SMC6: variants seen among roughly 807,000 people sequenced by gnomAD.
SMC6 encodes the protein structural maintenance of chromosomes 6.
SMC6 carries 79 observed loss-of-function variants against 142.2 expected under a neutral mutation model. The ratio of observed to expected loss-of-function variants is 0.56; its 90% CI spans 0.46 to 0.67. The LOEUF (loss-of-function observed/expected upper bound fraction) is 0.67, where lower values mean the gene tolerates loss of function less well. Among genes scored for constraint, SMC6 ranks in the 30% least tolerant of loss-of-function variants. The pLI is 0.00. For synonymous variants in SMC6, 411 were observed against 412.4 expected (o/e 1.00, Z 0.04); for missense variants, 1,072 against 1,284.0 (o/e 0.83, Z 2.52).
chr2:17,715,580 T>G (rs1272386869), intron 15 of SMC6, among the ~76,000 whole-genome samples: 1 of 152,172 alleles, frequency 6.6e-6, no homozygotes, highest in African/African-American at 2.4e-5. Flanking sequence ...CTAATGATTT[T>G]CAGAATTAAA....
intron 23 of SMC6, 117 bp downstream of exon 23, chr2:17,695,035 A>T: frequency 9.0e-7 from 1 of 1,112,162 alleles, no homozygotes; most frequent in Non-Finnish European, 1.3e-6. Flanking sequence ...CTTCAGCTAT[A>T]ACTATTTGCT....
At chr2:17,671,600 C>A (rs1287874276) in intron 25 of SMC6, among the ~76,000 whole-genome samples, 3 of 83,568 alleles carry the variant, frequency 3.6e-5, no homozygotes, top group African/African-American at 1.6e-4. Context: ...CAGAGCGAGA[C>A]CCCGTCTCAA....
chr2:17,724,488 T>C (rs945725859), intron 9 of SMC6, among the ~76,000 whole-genome samples: 1 of 152,184 alleles, frequency 6.6e-6, no homozygotes, highest in African/African-American at 2.4e-5. Flanking sequence ...CAATTGGTTA[T>C]ATAAAACTAA....
At position 17,673,172 on chromosome 2, in the gene SMC6, G is replaced by C. The variant is rs550552811; in HGVS notation, c.2911-2597C>G. Among the ~76,000 whole-genome samples the C allele has an allele frequency of 1.9e-3, 288 of 152,214 alleles. 2 individuals carry two copies. The highest frequency in any genetic ancestry group is 3.6e-3 in the Non-Finnish European group (242 of 67,996). On this transcript the variant is annotated intron_variant, in intron 25 of 27. Transcript: ENST00000448223. ...CTGATGACTAACAGCGCTTTTTCAT[G>C]TGTTTACTCACCATTTAGATACTTT... is the stretch of plus-strand genomic sequence containing the variant.
chr2:17,710,323 G>A (rs1001446483), intron 16 of SMC6, among the ~76,000 whole-genome samples: 1 of 152,180 alleles, frequency 6.6e-6, no homozygotes, highest in Non-Finnish European at 1.5e-5. Flanking sequence ...TGCAGGTTTT[G>A]GGGTGGAAAT....
rs762954628 is a variant in SMC6, at chr2:17,707,327, C to A, written c.1898G>T (p.Cys633Phe). The A allele has an allele frequency of 3.1e-6, 5 of 1,602,702 alleles. No homozygotes were observed. Among genetic ancestry groups the A allele is most frequent in the South Asian group, 1.1e-5 (1 of 88,912 alleles). The change falls in exon 18 of 28, where the codon TGT becomes TTT. Residue 633 changes from cysteine (C) to phenylalanine (F), a missense_variant. Around this residue, in one of 3 missense-constraint regions of SMC6, gnomAD observed 994 missense variants for 1,153.2 expected, o/e 0.86. Transcript: ENST00000448223. ...ACCATCAGCAGTAAAAGCTTCTCTACAATTTTTGGGTGGCTTTTGGGACTG... is the reference window on the plus strand; with the variant it reads ...ACCATCAGCAGTAAAAGCTTCTCTAAAATTTTTGGGTGGCTTTTGGGACTG... ...VMQSQKPPKN[C>F]REAFTADGDQ...
At chr2:17,699,502 T>C (rs1348529446) in intron 21 of SMC6, among the ~76,000 whole-genome samples, 1 of 152,162 alleles carries the variant, frequency 6.6e-6, no homozygotes, top group East Asian at 1.9e-4. Context: ...ATTTGGGAAG[T>C]GTTTAGCCAT....
chr2:17,731,715 G>C (rs772066815), intron 6 of SMC6, 26 bp downstream of exon 6: 1 of 1,597,114 alleles, frequency 6.3e-7, no homozygotes, highest in Non-Finnish European at 8.5e-7. Context: ...TATTTTATAA[G>C]AAATGAAAAG....
At chr2:17,752,668 A>G (rs905823819) in intron 2 of SMC6, among the ~76,000 whole-genome samples, 4 of 152,222 alleles carry the variant, frequency 2.6e-5, no homozygotes, top group African/African-American at 9.7e-5. Context: ...TTTCACGTAG[A>G]AATCAAATGA....
chr2:17,751,961 C>A (rs779447586), intron 2 of SMC6, among the ~76,000 whole-genome samples: 3 of 152,090 alleles, frequency 2.0e-5, no homozygotes, highest in Admixed American at 1.3e-4. Context: ...TAAAATAAAC[C>A]TTTGGGGAAT....
rs115721968 is a variant in SMC6, at chr2:17,725,516, T to C, written c.625-158A>G. ...AATCACACAAACACAAAAGAATACA[T>C]CATATTTCAGATTCAAATTGACTGA... is the stretch of plus-strand genomic sequence containing the variant. On this transcript the variant is annotated intron_variant, in intron 8 of 27. Transcript: ENST00000448223. Among the ~76,000 whole-genome samples the C allele has an allele frequency of 4.8e-3, 723 of 152,168 alleles. 4 individuals are homozygous for C. Among genetic ancestry groups the C allele is most frequent in the African/African-American group, 0.016 (670 of 41,530 alleles).
rs773786287 is a variant in SMC6, at chr2:17,701,789, C to G, written c.2223+40G>C. 43 of 1,253,334 alleles carry G rather than the reference C, an allele frequency of 3.4e-5. No homozygotes were observed. The South Asian group carries it at 5.6e-4, about 16-fold the overall frequency. The allele number at this position is 1,253,334 out of a possible 1,614,324, so 77.6% of individuals were successfully genotyped here. ...GCCATTAACCTAAATGGTGGCTTTA[C>G]CCTTTAATATTACATTTAAATTGAA... On this transcript the variant is annotated intron_variant, in intron 20 of 27. Coordinates refer to ENST00000448223, the MANE Select transcript of SMC6 (RefSeq NM_001142286.2).
intron 26 of SMC6, among the ~76,000 whole-genome samples, chr2:17,669,377 G>A (rs1308989612): frequency 6.6e-6 from 1 of 152,144 alleles, no homozygotes; most frequent in East Asian, 1.9e-4. Flanking sequence ...GAGTTGATAG[G>A]TATCTGTCCA....
intron 2 of SMC6, among the ~76,000 whole-genome samples, chr2:17,751,218 G>A (rs979854682): frequency 1.4e-4 from 21 of 151,848 alleles, no homozygotes; most frequent in African/African-American, 4.6e-4. Flanking sequence ...AGTAGCTCAC[G>A]CCTTGTCATC....
At chr2:17,716,658 A>G in intron 14 of SMC6, 83 bp downstream of exon 14, 1 of 1,310,894 alleles carries the variant, frequency 7.6e-7, no homozygotes, top group South Asian at 1.5e-5. Context: ...AGAAACAACC[A>G]TATTTGCTCT....
chr2:17,735,394 A>C (rs1238708537), intron 5 of SMC6, among the ~76,000 whole-genome samples: 1 of 152,218 alleles, frequency 6.6e-6, no homozygotes, highest in Non-Finnish European at 1.5e-5. Flanking sequence ...AATGAGAACA[A>C]GGAATAAGAA....
intron 5 of SMC6, among the ~76,000 whole-genome samples, chr2:17,737,154 C>CT (rs1036155521): frequency 4.6e-5 from 7 of 151,688 alleles, no homozygotes; most frequent in African/African-American, 7.3e-5. Flanking sequence ...ATCTTTTCTC[C>CT]TTTTTTTTGA....
At position 17,665,370 on chromosome 2, in the gene SMC6, T is replaced by C. The variant is rs1666446445; in HGVS notation, c.*129A>G. ...GGCTTATTTATATGTTTGATTGTGG[T>C]TGGATATATAAAGGAGTTTCTTTCA... On this transcript the variant is annotated 3_prime_UTR_variant, in exon 28 of 28. Transcript: ENST00000448223. 2.3e-6 allele frequency: 1 copy of C among 435,222 alleles called. No individual in the cohort carries two copies. The highest frequency in any genetic ancestry group is 4.0e-6 in the Non-Finnish European group (1 of 250,160). 27.0% of individuals were successfully genotyped at this position (435,222 alleles called of 1,614,324 possible).
At chr2:17,739,678 T>G (rs993377991) in intron 4 of SMC6, among the ~76,000 whole-genome samples, 2 of 151,938 alleles carry the variant, frequency 1.3e-5, no homozygotes, top group Non-Finnish European at 2.9e-5. Context: ...GAAGGCATAG[T>G]GGCATGTGCC....
Sources: allele counts gnomAD v4.1 joint callset (sites outside exome capture counted in the v4.1 genomes callset), GRCh38; gene constraint gnomAD v4.1.1; regional missense constraint gnomAD v4.1.1; transcripts MANE v1.5; gene names NCBI Gene and HGNC (gene_info 2026-07-23, HGNC 2026-07-21).